GRID2IP: variants seen among roughly 807,000 people sequenced by gnomAD.
GRID2IP encodes delphilin.
Under a neutral mutation model 114.3 loss-of-function variants are expected in GRID2IP, and 78 were observed. The ratio of observed to expected loss-of-function variants is 0.68; its 90% CI spans 0.57 to 0.82. The LOEUF (loss-of-function observed/expected upper bound fraction) is 0.82. Among genes scored for constraint, GRID2IP ranks in the 40% least tolerant of loss-of-function variants. The pLI is 0.00. For synonymous variants in GRID2IP, 809 were observed against 724.0 expected (o/e 1.12, Z -1.89); for missense variants, 1,727 against 1,678.5 (o/e 1.03, Z -0.51).
intron 9 of GRID2IP, 58 bp downstream of exon 9, chr7:6,510,850 A>G: frequency 2.0e-6 from 3 of 1,524,280 alleles, no homozygotes; most frequent in Non-Finnish European, 2.7e-6. Flanking sequence ...CACCAAGCCC[A>G]TTTTGCAGGT....
At chr7:6,549,846 G>A (rs1779944103) in intron 1 of GRID2IP, among the ~76,000 whole-genome samples, 4 of 151,390 alleles carry the variant, frequency 2.6e-5, no homozygotes, top group Admixed American at 2.6e-4. Flanking sequence ...GCCCAGGCTG[G>A]TCTCAAACTC....
Position 6,520,644 on chromosome 7 carries a change from T to A in GRID2IP, c.1202A>T (p.Glu401Val). 1 of 1,551,684 alleles carries A rather than the reference T, an allele frequency of 6.4e-7. No individual in the cohort carries two copies. Residue 401 changes from glutamate (E) to valine (V), a missense_variant, in exon 7 of 22, where the codon GAG becomes GTG. Transcript: ENST00000457091. This position sits in a 1 kb window ranked among gnomAD's most constrained non-coding sequence, Gnocchi z 4.6. Reference sequence around the variant, plus strand: ...GCGCTCAGGAGGTGTGAGTAGGTGCTCCAGCTGCTGGCTGAAGGTCCTCCC... The same window carrying A: ...GCGCTCAGGAGGTGTGAGTAGGTGCACCAGCTGCTGGCTGAAGGTCCTCCC... ...VQGRTFSQQL[E>V]HLLTPPERYG... is the part of the protein sequence containing the mutation.
rs1786425509 is a variant in GRID2IP, at chr7:6,501,874, G to A, written c.3306C>T (p.Asp1102=). ...AKVNQRALTS[D]LADLHGTISE... is the part of the protein sequence containing the mutation. ...TGATAGTGCCATGGAGGTCAGCCAG[G>A]TCACTGGTCAGGGCCCGTTGGTTCA... is the stretch of plus-strand genomic sequence containing the variant. Residue 1102 remains aspartate (D), a synonymous_variant, in exon 20 of 22, where the codon GAC becomes GAT. Coordinates refer to ENST00000457091, the MANE Select transcript of GRID2IP (RefSeq NM_001145118.2). 1 of 1,551,594 alleles carries A rather than the reference G, an allele frequency of 6.4e-7. No homozygotes were observed. The highest frequency in any genetic ancestry group is 8.7e-7 in the Non-Finnish European group (1 of 1,146,990).
chr7:6,551,306 C>T lies in GRID2IP; in HGVS notation c.131G>A (p.Arg44Gln), dbSNP rs561501778. The change falls in exon 1 of 22, where the codon CGG (arginine) becomes CAG (glutamine). Residue 44 changes from arginine (R) to glutamine (Q), a missense_variant. Coordinates refer to ENST00000457091, the MANE Select transcript of GRID2IP (RefSeq NM_001145118.2). ...KGSSAHAGGL[R>Q]PGDQILEVEG... ...CACCTCCAGGATCTGGTCTCCTGGC[C>T]GCAGTCCTCCGGCATGCGCGCTGCT... The T allele has an allele frequency of 1.5e-4, 233 of 1,544,118 alleles. No individual in the cohort carries two copies. The African/African-American group carries it at 2.6e-3, about 17-fold the overall frequency.
At chr7:6,513,386 C>CTTT (rs34015103) in intron 8 of GRID2IP, among the ~76,000 whole-genome samples, 2 of 144,654 alleles carry the variant, frequency 1.4e-5, no homozygotes, top group Non-Finnish European at 1.5e-5. Flanking sequence ...TAAATTAAAA[C>CTTT]TTTTTTTTTT....
chr7:6,526,254 C>G lies in GRID2IP; in HGVS notation c.889G>C (p.Gly297Arg), dbSNP rs1385466207. The G allele has an allele frequency of 1.0e-5, 16 of 1,551,820 alleles. No homozygotes were observed. The highest frequency in any genetic ancestry group is 2.4e-5 in the East Asian group (1 of 40,924). Reference protein sequence around the residue: ...KSFGFTLRGHGPVWIESVLPG... With the variant: ...KSFGFTLRGHRPVWIESVLPG... ...AGGACAGACTCGATCCAGACAGGCC[C>G]GTGGCCGCGAAGTGTGAAGCCGAAG... Residue 297 changes from glycine (G) to arginine (R), a missense_variant, in exon 4 of 22, where the codon GGG becomes CGG. By Grantham distance (125) the Gly-to-Arg change is moderately radical (BLOSUM62 -2). Transcript: ENST00000457091. This position sits in a 1 kb window ranked among gnomAD's most constrained non-coding sequence, Gnocchi z 7.6.
At chr7:6,535,562 T>C (rs1335308499) in intron 2 of GRID2IP, among the ~76,000 whole-genome samples, 1 of 152,078 alleles carries the variant, frequency 6.6e-6, no homozygotes, top group Non-Finnish European at 1.5e-5. Flanking sequence ...CTGTTCAACC[T>C]CTCACTTAAA....
chr7:6,502,915 C>G, intron 17 of GRID2IP, 43 bp from the exon 18 acceptor site: 1 of 1,538,968 alleles, frequency 6.5e-7, no homozygotes, highest in Non-Finnish European at 8.8e-7. Context: ...CACCCCACCA[C>G]CCATCCACCC....
At position 6,510,369 on chromosome 7, in the gene GRID2IP, C is replaced by T. The variant is rs376075699; in HGVS notation, c.1685G>A (p.Arg562Gln). 64 of 1,545,912 alleles carry T rather than the reference C, an allele frequency of 4.1e-5. No homozygotes were observed. Among genetic ancestry groups the T allele is most frequent in the African/African-American group, 1.8e-4 (13 of 72,808 alleles). ...CTTCCCTTTGAAGCTGCTGTTCAGT[C>T]GAGACTCAAGCTCTGCATAGACGGC... The part of the protein sequence containing the change: ...MSAVYAELES[R>Q]LNSSFKGKMG... Residue 562 changes from arginine to glutamine, a missense_variant, in exon 11 of 22, where the codon CGA (arginine) becomes CAA (glutamine). Arg to Gln is a conservative substitution (Grantham distance 43, BLOSUM62 1). Coordinates refer to ENST00000457091, the MANE Select transcript of GRID2IP (RefSeq NM_001145118.2).
At chr7:6,543,757 A>T (rs1302775895) in intron 1 of GRID2IP, among the ~76,000 whole-genome samples, 1 of 151,654 alleles carries the variant, frequency 6.6e-6, no homozygotes, top group Non-Finnish European at 1.5e-5. Flanking sequence ...TCACAGGTGC[A>T]CGCCACTGTG....
Position 6,509,141 on chromosome 7 carries a change from G to T in GRID2IP, c.1944C>A (p.Ile648=). The change falls in exon 12 of 22, where the codon ATC becomes ATA. Residue 648 remains isoleucine, a synonymous_variant. Transcript: ENST00000457091. This position sits in a 1 kb window ranked among gnomAD's most constrained non-coding sequence, Gnocchi z 4.9. ...CCGGGCTTGGGGGGCTGTCGGGGCAGATGGGCCCGGGGCCTGGCTGTGGGG... is the reference window on the plus strand; with the variant it reads ...CCGGGCTTGGGGGGCTGTCGGGGCATATGGGCCCGGGGCCTGGCTGTGGGG... ...APSPQPGPGP[I]CPDSPPSPDP... 2 of 1,474,500 alleles carry T rather than the reference G, an allele frequency of 1.4e-6. No individual in the cohort carries two copies. The highest frequency in any genetic ancestry group is 1.8e-6 in the Non-Finnish European group (2 of 1,112,454). 91.3% of individuals were successfully genotyped at this position (1,474,500 alleles called of 1,614,324 possible).
At chr7:6,525,514 T>C (rs1384786412) in intron 4 of GRID2IP, among the ~76,000 whole-genome samples, 1 of 151,860 alleles carries the variant, frequency 6.6e-6, no homozygotes, top group Non-Finnish European at 1.5e-5. Context: ...TCCCAGCTAC[T>C]CTGGAGGCTG....
Position 6,508,328 on chromosome 7 carries a change from C to T in GRID2IP, c.2201G>A (p.Ser734Asn), listed in dbSNP as rs1363341556. 6.4e-7 allele frequency: 1 copy of T among 1,551,456 alleles called. No individual in the cohort carries two copies. Among genetic ancestry groups the T allele is most frequent in the East Asian group, 2.4e-5 (1 of 40,920 alleles). The change falls in exon 13 of 22, where the codon AGT becomes AAT. Residue 734 changes from serine (S) to asparagine (N), a missense_variant. Coordinates refer to ENST00000457091, the MANE Select transcript of GRID2IP (RefSeq NM_001145118.2). This position sits in a 1 kb window ranked among gnomAD's most constrained non-coding sequence, Gnocchi z 5.6. ...GTAGGTCAGGGAGCTGCCTTCTTCA[C>T]TGCTGCTGATGCAGTCGCTGGCGCT... The part of the protein sequence containing the change: ...RSSASDCISS[S>N]EEGSSLTYSS...
chr7:6,538,109 T>C (rs1049923931), intron 2 of GRID2IP, among the ~76,000 whole-genome samples: 2 of 152,176 alleles, frequency 1.3e-5, no homozygotes, highest in African/African-American at 4.8e-5. Flanking sequence ...GGCTCATGCC[T>C]GTAACTCCAG....
At chr7:6,504,747 GC>G (rs1167202185) in intron 15 of GRID2IP, 45 bp downstream of exon 15, 18 of 1,456,402 alleles carry the variant, frequency 1.2e-5, no homozygotes, top group Middle Eastern at 1.8e-4. Flanking sequence ...CAGAGAAAGG[GC>G]CGCCGCCTGC....
rs1048089554 is a variant in GRID2IP at position 6,507,308 on chromosome 7, G to A, written c.2544+677C>T. Among the ~76,000 whole-genome samples the A allele has an allele frequency of 2.6e-5, 4 of 152,074 alleles. No homozygotes were observed. Among genetic ancestry groups the A allele is most frequent in the Non-Finnish European group, 5.9e-5 (4 of 68,004 alleles). On this transcript the variant is annotated intron_variant, in intron 13 of 21. Transcript: ENST00000457091. This position sits in a 1 kb window ranked among gnomAD's most constrained non-coding sequence, Gnocchi z 5.3. ...TCAAGCCCCATTGGGGGTTCCATCT[G>A]GGAATGTCTCTTTGACAGGGACATG...
At chr7:6,529,820 G>A (rs898162789) in intron 2 of GRID2IP, among the ~76,000 whole-genome samples, 1 of 152,120 alleles carries the variant, frequency 6.6e-6, no homozygotes, top group Non-Finnish European at 1.5e-5. Flanking sequence ...GACTCTTCCT[G>A]GGGGCCACAC....
chr7:6,544,155 C>T (rs1779851164), intron 1 of GRID2IP, among the ~76,000 whole-genome samples: 1 of 152,106 alleles, frequency 6.6e-6, no homozygotes, highest in Admixed American at 6.6e-5. Context: ...GTCTCTTTCC[C>T]TGCAGTAATG....
intron 2 of GRID2IP, chr7:6,531,018 CG>C: frequency 1.6e-6 from 1 of 642,606 alleles, no homozygotes; most frequent in Non-Finnish European, 2.8e-6. Flanking sequence ...GGATCCGTGG[CG>C]CAGAGGGCGC....
Sources: allele counts gnomAD v4.1 joint callset (sites outside exome capture counted in the v4.1 genomes callset), GRCh38; gene constraint gnomAD v4.1.1; non-coding constraint Gnocchi (gnomAD v3.1); transcripts MANE v1.5; gene names NCBI Gene and HGNC (gene_info 2026-07-23, HGNC 2026-07-21).